Variants in GCNT1 observed in about 807,000 individuals in gnomAD.
The protein encoded by GCNT1 is beta-1,3-galactosyl-O-glycosyl-glycoprotein beta-1,6-N-acetylglucosaminyltransferase.
A neutral mutation model predicts 26.2 loss-of-function variants in GCNT1; 16 were observed. The observed-to-expected ratio is 0.61, with a 90% confidence interval of 0.41 to 0.93. The LOEUF is 0.93. GCNT1 is among the 40% of genes least tolerant of loss of function. GCNT1 has a pLI of 0.00. For missense variants in GCNT1, 477 were observed against 526.7 expected (o/e 0.91, Z 0.92); for synonymous variants, 183 against 190.8 (o/e 0.96, Z 0.34).
At chr9:76,465,968 G>A (rs1219124471) in intron 2 of GCNT1, among the ~76,000 whole-genome samples, 1 of 152,186 alleles carries the variant, frequency 6.6e-6, no homozygotes, top group African/African-American at 2.4e-5. Flanking sequence ...CTTTTTGGAT[G>A]TGTGTTTTGT....
At chr9:76,493,417 G>A (rs573541078) in intron 2 of GCNT1, among the ~76,000 whole-genome samples, 8 of 152,290 alleles carry the variant, frequency 5.3e-5, no homozygotes, top group Admixed American at 3.3e-4. Context: ...CTCTCCAAGT[G>A]AGATCAAAGG....
chr9:76,446,511 G>A (rs965391963), intron 1 of GCNT1, among the ~76,000 whole-genome samples: 1 of 152,138 alleles, frequency 6.6e-6, no homozygotes, highest in Non-Finnish European at 1.5e-5. Context: ...CCACACAGAG[G>A]GTGAGACCTA....
At chr9:76,393,999 G>GCC in the GCNT1 span, 9 of 1,223,346 alleles carry the variant, frequency 7.4e-6, no homozygotes, top group South Asian at 1.1e-4. Flanking sequence ...CGGTCCGGAG[G>GCC]CCCCACGCCC....
intron 2 of GCNT1, among the ~76,000 whole-genome samples, chr9:76,498,601 C>A (rs899289768): frequency 6.6e-6 from 1 of 151,928 alleles, no homozygotes; most frequent in African/African-American, 2.4e-5. Context: ...CATGAAACCC[C>A]GTCTCTACTA....
chr9:76,448,753 A>G (rs140940950), intron 1 of GCNT1, among the ~76,000 whole-genome samples: 176 of 152,300 alleles, frequency 1.2e-3, no homozygotes, highest in African/African-American at 3.9e-3. Context: ...CTTTATCTCC[A>G]CATAAGGTCT....
upstream of GCNT1, among the ~76,000 whole-genome samples, chr9:76,454,880 A>C (rs62564451): frequency 5.3e-5 from 6 of 113,258 alleles, no homozygotes; most frequent in East Asian, 2.4e-4. Context: ...ACAGAGTCTC[A>C]CTCTGTCGCC....
At chr9:76,495,298 G>T (rs1824876075) in intron 2 of GCNT1, among the ~76,000 whole-genome samples, 1 of 152,112 alleles carries the variant, frequency 6.6e-6, no homozygotes, top group Non-Finnish European at 1.5e-5. Flanking sequence ...AGATGTGTCT[G>T]GAGTCTCTTC....
chr9:76,502,262 C>G lies in GCNT1; in HGVS notation c.-120C>G. On this transcript the variant is annotated 5_prime_UTR_variant, in exon 4 of 4. Transcript: ENST00000376730. ...AGTGCTGCTCTTCATTTCAAGATGC[C>G]GTTGCAGCTCTGATAAATGCAAACT... 1.9e-6 allele frequency: 1 copy of G among 514,520 alleles called. No individual in the cohort carries two copies. The highest frequency in any genetic ancestry group is 3.5e-6 in the Non-Finnish European group (1 of 289,118). 31.9% of individuals were successfully genotyped at this position (514,520 alleles called of 1,614,324 possible).
chr9:76,421,686 GTTGTTTTTTTTTTTT>G (rs1398155038), intron 1 of GCNT1, among the ~76,000 whole-genome samples: 5 of 84,386 alleles, frequency 5.9e-5, no homozygotes, highest in African/African-American at 1.9e-4. Context: ...TTGTTTGTAG[GTTGTTTTTTTTTTTT>G]TTTTTTTTTT....
chr9:76,403,304 C>T, the GCNT1 span, among the ~76,000 whole-genome samples: 2 of 152,158 alleles, frequency 1.3e-5, no homozygotes, highest in East Asian at 3.8e-4. Context: ...TATTTGAGTA[C>T]CTACTGTTCC....
At chr9:76,495,107 A>C (rs1052920698) in intron 2 of GCNT1, among the ~76,000 whole-genome samples, 1 of 152,210 alleles carries the variant, frequency 6.6e-6, no homozygotes, top group Non-Finnish European at 1.5e-5. Flanking sequence ...ATAGGACAGA[A>C]TAGCAAGCGA....
intron 2 of GCNT1, among the ~76,000 whole-genome samples, chr9:76,472,227 G>A (rs190234198): frequency 6.6e-6 from 1 of 152,320 alleles, no homozygotes; most frequent in African/African-American, 2.4e-5. Flanking sequence ...AGGATGCAGT[G>A]AGTCAAGATC....
chr9:76,413,653 G>GTTTTTTTTTTTTTGTTTT, the GCNT1 span, among the ~76,000 whole-genome samples: 24 of 118,676 alleles, frequency 2.0e-4, no homozygotes, highest in African/African-American at 3.4e-4. Flanking sequence ...GTTTTGTTTT[G>GTTTTTTTTTTTTTGTTTT]TTTTTTTTTT....
intron 2 of GCNT1, among the ~76,000 whole-genome samples, chr9:76,490,735 C>T (rs965645126): frequency 2.7e-5 from 4 of 147,770 alleles, no homozygotes; most frequent in African/African-American, 1.0e-4. Context: ...CTTGTTTGAG[C>T]AGACCAATTA....
At chr9:76,402,642 G>C in the GCNT1 span, among the ~76,000 whole-genome samples, 24 of 151,896 alleles carry the variant, frequency 1.6e-4, no homozygotes, top group Non-Finnish European at 3.1e-4. Flanking sequence ...GCTATATGCA[G>C]CTGCCTCATA....
At chr9:76,488,130 C>T (rs535025230) in intron 2 of GCNT1, among the ~76,000 whole-genome samples, 31 of 152,282 alleles carry the variant, frequency 2.0e-4, no homozygotes, top group Non-Finnish European at 4.4e-4. Flanking sequence ...TTTCCCCCCT[C>T]CCCTGAAAGT....
At chr9:76,472,074 G>A (rs755828346) in intron 2 of GCNT1, among the ~76,000 whole-genome samples, 9 of 152,118 alleles carry the variant, frequency 5.9e-5, no homozygotes, top group Non-Finnish European at 1.3e-4. Flanking sequence ...TCAGGAGTTC[G>A]AGACCAGCCT....
rs146755715 is a variant in GCNT1, at chr9:76,424,131, T to C, written n.38+4244T>C. The stretch of plus-strand genomic sequence containing the variant: ...GGGAAGAATTGAAGAGTGAAATGAA[T>C]ATCCATCCTTATAGACAGGCAAAAA... On this transcript the variant is annotated intron_variant and non_coding_transcript_variant, in intron 1 of 3. Coordinates refer to the GCNT1 transcript ENST00000488136. Among the ~76,000 whole-genome samples, 400 of 152,320 alleles carry C rather than the reference T, an allele frequency of 2.6e-3. 1 individual carries two copies. The highest frequency in any genetic ancestry group is 9.3e-3 in the African/African-American group (386 of 41,568).
At chr9:76,418,581 G>A (rs1201388359), upstream of GCNT1, among the ~76,000 whole-genome samples, 1 of 152,134 alleles carries the variant, frequency 6.6e-6, no homozygotes, top group Non-Finnish European at 1.5e-5. Context: ...AGCAGAAAAA[G>A]GCATACAAAA....
Sources: allele counts gnomAD v4.1 joint callset (sites outside exome capture counted in the v4.1 genomes callset), GRCh38; gene constraint gnomAD v4.1.1; transcripts MANE v1.5; gene names NCBI Gene and HGNC (gene_info 2026-07-23, HGNC 2026-07-21).